DPYD: variants seen among roughly 807,000 people sequenced by gnomAD.
DPYD encodes dihydropyrimidine dehydrogenase.
A neutral mutation model predicts 116.2 loss-of-function variants in DPYD; 109 were observed. The observed-to-expected ratio is 0.94, with a 90% CI of 0.80 to 1.10. DPYD has a LOEUF of 1.10. DPYD is among the 50% of genes least tolerant of loss of function. The pLI is 0.00. For synonymous variants in DPYD, 440 were observed against 432.0 expected (o/e 1.02, Z -0.23); for missense variants, 1,302 against 1,254.5 (o/e 1.04, Z -0.57).
At chr1:97,915,994 G>A (rs947409486) in intron 1 of DPYD, among the ~76,000 whole-genome samples, 7 of 152,094 alleles carry the variant, frequency 4.6e-5, no homozygotes, top group Non-Finnish European at 4.4e-5. Context: ...ACAGTGATCA[G>A]ACATCTTTAT....
intron 3 of DPYD, among the ~76,000 whole-genome samples, chr1:97,766,584 C>G (rs561055846): frequency 1.3e-5 from 2 of 152,214 alleles, no homozygotes; most frequent in African/African-American, 4.8e-5. Context: ...TTTGTTAACA[C>G]CTCTGAAAGA....
At chr1:97,497,111 A>T (rs1259610885) in intron 13 of DPYD, among the ~76,000 whole-genome samples, 2 of 151,922 alleles carry the variant, frequency 1.3e-5, no homozygotes, top group Non-Finnish European at 2.9e-5. Flanking sequence ...ATTACCAAGC[A>T]GGGCAGAAGT....
chr1:97,609,209 C>T (rs1274057936), intron 8 of DPYD, among the ~76,000 whole-genome samples: 1 of 151,826 alleles, frequency 6.6e-6, no homozygotes, highest in African/African-American at 2.4e-5. Flanking sequence ...TTAAAGAAGG[C>T]ATATTCTAAT....
intron 12 of DPYD, among the ~76,000 whole-genome samples, chr1:97,528,593 TC>T (rs1453601333): frequency 6.6e-6 from 1 of 152,034 alleles, no homozygotes. Flanking sequence ...AAACTCCTCC[TC>T]CTTCAACAAA....
chr1:97,222,444 A>C (rs530939093), intron 19 of DPYD, among the ~76,000 whole-genome samples: 3 of 152,094 alleles, frequency 2.0e-5, no homozygotes, highest in Non-Finnish European at 4.4e-5. Flanking sequence ...TTTCTCTTGA[A>C]TCTAGATGTT....
intron 20 of DPYD, among the ~76,000 whole-genome samples, chr1:97,133,014 G>A (rs1653452339): frequency 6.6e-6 from 1 of 151,914 alleles, no homozygotes; most frequent in Non-Finnish European, 1.5e-5. Context: ...TGATGAAAAA[G>A]TAAGGCCTTA....
Position 97,740,476 on chromosome 1 carries a change from G to C in DPYD, c.237C>G (p.Cys79Trp). Residue 79 changes from cysteine to tryptophan, a missense_variant, in exon 4 of 23, where the codon TGC becomes TGG. Physicochemically the swap from Cys to Trp is radical, Grantham distance 215. Coordinates refer to ENST00000370192, the MANE Select transcript of DPYD (RefSeq NM_000110.4). ...GACACGGGGCATCTGCACATTTCAG[G>C]CATCTAGGAAATAAAATAACTATGT... Reference protein sequence around the residue: ...ERGALREAMRCLKCADAPCQK... With the variant: ...ERGALREAMRWLKCADAPCQK... The C allele has an allele frequency of 6.2e-7, 1 of 1,611,750 alleles. No individual in the cohort carries two copies.
chr1:97,595,448 C>T lies in DPYD; in HGVS notation c.851-282G>A, dbSNP rs59415314. 2.7e-3 allele frequency among the ~76,000 whole-genome samples: 406 copies of T among 151,798 alleles called. 4 individuals carry two copies. The highest frequency in any genetic ancestry group is 9.2e-3 in the African/African-American group (381 of 41,440). Reference sequence around the variant, plus strand: ...TATATACACACATAAACATATATAACATTACAGGGAAAATCAGGTTATATT... The same window carrying T: ...TATATACACACATAAACATATATAATATTACAGGGAAAATCAGGTTATATT... On this transcript the variant is annotated intron_variant, in intron 8 of 22. Transcript: ENST00000370192.
At chr1:97,526,055 C>T (rs1649065855) in intron 12 of DPYD, among the ~76,000 whole-genome samples, 1 of 151,374 alleles carries the variant, frequency 6.6e-6, no homozygotes, top group South Asian at 2.1e-4. Context: ...CAAAGATTCA[C>T]CAACATCACA....
At chr1:97,681,622 A>G (rs1186231380) in intron 7 of DPYD, among the ~76,000 whole-genome samples, 2 of 152,170 alleles carry the variant, frequency 1.3e-5, no homozygotes, top group Non-Finnish European at 2.9e-5. Flanking sequence ...TAGTATTACT[A>G]TTAGAATTAG....
intron 14 of DPYD, among the ~76,000 whole-genome samples, chr1:97,388,020 G>A (rs774868660): frequency 2.0e-4 from 30 of 152,114 alleles, no homozygotes; most frequent in Non-Finnish European, 4.0e-4. Flanking sequence ...GTGAAAGCAA[G>A]GAGTCTGATT....
At chr1:97,130,548 T>C (rs1653199217) in intron 20 of DPYD, among the ~76,000 whole-genome samples, 1 of 152,160 alleles carries the variant, frequency 6.6e-6, no homozygotes, top group Non-Finnish European at 1.5e-5. Context: ...ACTGATAATA[T>C]TTAGCTTATG....
intron 8 of DPYD, among the ~76,000 whole-genome samples, chr1:97,664,090 G>A (rs1424243500): frequency 6.6e-6 from 1 of 152,032 alleles, no homozygotes; most frequent in African/African-American, 2.4e-5. Context: ...TCAGGAACTT[G>A]GTATTTACTG....
At chr1:97,808,192 A>G (rs946263019) in intron 3 of DPYD, among the ~76,000 whole-genome samples, 7 of 152,140 alleles carry the variant, frequency 4.6e-5, no homozygotes, top group African/African-American at 1.7e-4. Context: ...AATCTGTGGA[A>G]CAATTTGGAA....
Position 97,219,897 on chromosome 1 carries a change from C to CA in DPYD, c.2442+14954dup, listed in dbSNP as rs1279930551. ...TCATCTCTGCCTATGTCTTTCTCTT[C>CA]ATTTCCTATCATTCTCACCTCTGTT... is the stretch of plus-strand genomic sequence containing the variant. On this transcript the variant is annotated intron_variant, in intron 19 of 22. Coordinates refer to ENST00000370192, the MANE Select transcript of DPYD (RefSeq NM_000110.4). 2.6e-5 allele frequency among the ~76,000 whole-genome samples: 4 copies of CA among 152,292 alleles called. No individual in the cohort carries two copies. In the East Asian group the frequency reaches 7.7e-4, roughly 29 times the overall value.
chr1:97,260,109 T>C (rs1183853573), intron 18 of DPYD, among the ~76,000 whole-genome samples: 1 of 152,136 alleles, frequency 6.6e-6, no homozygotes, highest in East Asian at 1.9e-4. Context: ...TCTTCTGAAG[T>C]TGGCAACATG....
intron 13 of DPYD, among the ~76,000 whole-genome samples, chr1:97,483,797 C>T (rs1197754139): frequency 1.3e-5 from 2 of 152,186 alleles, no homozygotes; most frequent in African/African-American, 4.8e-5. Context: ...GCCCTTCTCT[C>T]TTCTGCCATA....
chr1:97,859,937 G>A (rs1671036919), intron 2 of DPYD, among the ~76,000 whole-genome samples: 2 of 152,166 alleles, frequency 1.3e-5, no homozygotes, highest in East Asian at 1.9e-4. Flanking sequence ...TAGGCTGGGT[G>A]TGGTGGCTCA....
intron 14 of DPYD, among the ~76,000 whole-genome samples, chr1:97,426,561 C>T (rs1674876445): frequency 1.3e-5 from 2 of 152,034 alleles, no homozygotes; most frequent in Admixed American, 1.3e-4. Context: ...CCAAATGGCA[C>T]TGCGAAGCAG....
Sources: allele counts gnomAD v4.1 joint callset (sites outside exome capture counted in the v4.1 genomes callset), GRCh38; gene constraint gnomAD v4.1.1; transcripts MANE v1.5; gene names NCBI Gene and HGNC (gene_info 2026-07-23, HGNC 2026-07-21).